GRIK1: variants seen among roughly 807,000 people sequenced by gnomAD.
GRIK1 encodes the protein glutamate ionotropic receptor kainate type subunit 1, also known as glutamate receptor ionotropic, kainate 1.
In GRIK1, 69 loss-of-function variants were observed where a neutral mutation model predicts 105.7. The ratio of observed to expected loss-of-function variants is 0.65; its 90% confidence interval spans 0.54 to 0.80. The LOEUF (loss-of-function observed/expected upper bound fraction) is 0.80. Among genes scored for constraint, GRIK1 ranks in the 30% least tolerant of loss-of-function variants. GRIK1 has a pLI of 0.00. For missense variants in GRIK1, 1,109 were observed against 1,167.3 expected (o/e 0.95, Z 0.73); for synonymous variants, 438 against 431.3 (o/e 1.02, Z -0.19).
chr21:29,937,860 C>G (rs1349921581), intron 1 of GRIK1, among the ~76,000 whole-genome samples: 2 of 150,314 alleles, frequency 1.3e-5, no homozygotes, highest in Non-Finnish European at 3.0e-5. Context: ...GGATGTTAAA[C>G]CTAGAACTTA....
intron 5 of GRIK1, among the ~76,000 whole-genome samples, chr21:29,652,112 G>A (rs1426883005): frequency 6.6e-6 from 1 of 152,114 alleles, no homozygotes; most frequent in Admixed American, 6.6e-5. Flanking sequence ...CCAGTTCATA[G>A]CCTTTGGGGT....
intron 1 of GRIK1, among the ~76,000 whole-genome samples, chr21:29,888,833 G>A (rs963568870): frequency 2.0e-5 from 3 of 152,168 alleles, no homozygotes; most frequent in African/African-American, 7.2e-5. Flanking sequence ...TTTTAGATTA[G>A]AGGAGTTTTT....
At chr21:29,913,939 C>A (rs554990977) in intron 1 of GRIK1, among the ~76,000 whole-genome samples, 3 of 151,906 alleles carry the variant, frequency 2.0e-5, no homozygotes, top group South Asian at 4.1e-4. Context: ...CACTAACAGC[C>A]TTTTTGTATT....
chr21:29,754,860 TTC>T (rs1173574041), intron 1 of GRIK1, among the ~76,000 whole-genome samples: 1 of 152,094 alleles, frequency 6.6e-6, no homozygotes, highest in Non-Finnish European at 1.5e-5. Context: ...GGAGTCTCCA[TTC>T]TCTCTTTTTT....
At chr21:29,756,517 G>A (rs1030532026) in intron 1 of GRIK1, among the ~76,000 whole-genome samples, 9 of 152,108 alleles carry the variant, frequency 5.9e-5, no homozygotes, top group African/African-American at 2.2e-4. Flanking sequence ...ACGTTACAGT[G>A]AGGAGCTCCA....
intron 1 of GRIK1, among the ~76,000 whole-genome samples, chr21:29,747,481 G>A (rs111844520): frequency 3.3e-5 from 5 of 151,932 alleles, no homozygotes; most frequent in African/African-American, 7.2e-5. Flanking sequence ...GAGAAGAGGC[G>A]AAGGCAGAAA....
At chr21:29,820,109 A>T (rs1197528866) in intron 1 of GRIK1, among the ~76,000 whole-genome samples, 1 of 152,124 alleles carries the variant, frequency 6.6e-6, no homozygotes, top group Admixed American at 6.6e-5. Flanking sequence ...TGACAGATAG[A>T]AGATCATTAA....
intron 2 of GRIK1, among the ~76,000 whole-genome samples, 180 bp from the exon 3 acceptor site, chr21:29,690,165 T>C (rs2063560224): frequency 6.6e-6 from 1 of 152,234 alleles, no homozygotes. Flanking sequence ...ACTTCCAACT[T>C]TCTTGAGCTG....
intron 7 of GRIK1, among the ~76,000 whole-genome samples, chr21:29,623,090 A>C (rs1312031575): frequency 6.6e-6 from 1 of 152,190 alleles, no homozygotes; most frequent in Non-Finnish European, 1.5e-5. Flanking sequence ...AGATTGGGTA[A>C]TTTATAAAGT....
intron 7 of GRIK1, among the ~76,000 whole-genome samples, chr21:29,621,741 G>A (rs555290489): frequency 1.3e-5 from 2 of 152,200 alleles, no homozygotes; most frequent in South Asian, 2.1e-4. Flanking sequence ...TAGCCTCAAA[G>A]TATCAGTCAG....
At chr21:29,865,883 G>A (rs1036532096) in intron 1 of GRIK1, among the ~76,000 whole-genome samples, 25 of 152,256 alleles carry the variant, frequency 1.6e-4, no homozygotes, top group Admixed American at 5.9e-4. Flanking sequence ...CTTCACCATC[G>A]TTTGTGACGA....
chr21:29,735,528 C>T (rs1461067209), intron 1 of GRIK1, among the ~76,000 whole-genome samples: 1 of 152,300 alleles, frequency 6.6e-6, no homozygotes, highest in East Asian at 1.9e-4. Flanking sequence ...CTATTCTCTT[C>T]TCTTGGGGAC....
intron 1 of GRIK1, among the ~76,000 whole-genome samples, chr21:29,745,626 C>A (rs2065030953): frequency 6.6e-6 from 1 of 152,130 alleles, no homozygotes; most frequent in South Asian, 2.1e-4. Flanking sequence ...GGTTACTTAC[C>A]AATTATTATT....
chr21:29,725,487 A>G (rs1266667863), intron 1 of GRIK1, among the ~76,000 whole-genome samples: 1 of 152,214 alleles, frequency 6.6e-6, no homozygotes, highest in African/African-American at 2.4e-5. Flanking sequence ...ATAAATCCAC[A>G]TATCGTGCTA....
chr21:29,749,402 G>A (rs1041349037), intron 1 of GRIK1, among the ~76,000 whole-genome samples: 6 of 152,208 alleles, frequency 3.9e-5, no homozygotes, highest in African/African-American at 1.2e-4. Context: ...CATAGTGGAC[G>A]TGTCTAATAG....
chr21:29,805,267 A>G (rs972121352), intron 1 of GRIK1, among the ~76,000 whole-genome samples: 1 of 152,162 alleles, frequency 6.6e-6, no homozygotes, highest in Non-Finnish European at 1.5e-5. Flanking sequence ...ATGTGGTTAT[A>G]AAGCCTGGAA....
chr21:29,745,185 G>T (rs901989522), intron 1 of GRIK1, among the ~76,000 whole-genome samples: 1 of 152,166 alleles, frequency 6.6e-6, no homozygotes, highest in African/African-American at 2.4e-5. Flanking sequence ...AGGCTCATAT[G>T]GCAAGGGACT....
At chr21:29,715,772 A>C (rs1165477073) in intron 1 of GRIK1, among the ~76,000 whole-genome samples, 1 of 151,474 alleles carries the variant, frequency 6.6e-6, no homozygotes, top group Non-Finnish European at 1.5e-5. Flanking sequence ...TAGCTTAGGC[A>C]CTAAAAATAT....
chr21:29,581,090 G>A (rs187730831), intron 13 of GRIK1, among the ~76,000 whole-genome samples: 3 of 152,246 alleles, frequency 2.0e-5, no homozygotes, highest in Admixed American at 1.3e-4. Context: ...TTAAACTGCT[G>A]ACTCGTGGAG....
Sources: allele counts gnomAD v4.1 joint callset (sites outside exome capture counted in the v4.1 genomes callset), GRCh38; gene constraint gnomAD v4.1.1; transcripts MANE v1.5; gene names NCBI Gene and HGNC (gene_info 2026-07-23, HGNC 2026-07-21).